Variants in MYO3A observed in about 807,000 individuals in gnomAD.
The protein encoded by MYO3A is myosin-IIIa.
In MYO3A, 180 loss-of-function variants were observed where a neutral mutation model predicts 192.7. The ratio of observed to expected loss-of-function variants is 0.93; its 90% CI spans 0.83 to 1.06. MYO3A has a LOEUF of 1.06. Ranked by LOEUF, MYO3A falls within the 50% of genes least tolerant of loss-of-function variation. The pLI is 0.00. For missense variants in MYO3A, 1,896 were observed against 1,905.0 expected (o/e 1.00, Z 0.09); for synonymous variants, 628 against 645.3 (o/e 0.97, Z 0.41).
chr10:26,107,983 ATT>A lies in MYO3A; in HGVS notation c.1776+11303_1776+11304del, dbSNP rs1157434954. Among the ~76,000 whole-genome samples, 20 of 150,460 alleles carry A rather than the reference ATT, an allele frequency of 1.3e-4. No homozygotes were observed. The East Asian group carries it at 3.9e-3, about 29-fold the overall frequency. On this transcript the variant is annotated intron_variant, in intron 17 of 34. Coordinates refer to ENST00000642920, the MANE Select transcript of MYO3A (RefSeq NM_017433.5). ...ATACTTGGTTTCTCTATTTCTTTAC[ATT>A]TGTTATTGAATAATGAAAGCATTTA...
chr10:26,038,058 A>T (rs888840709), intron 10 of MYO3A, among the ~76,000 whole-genome samples: 2 of 152,190 alleles, frequency 1.3e-5, no homozygotes, highest in African/African-American at 4.8e-5. Flanking sequence ...CCATTGGTCC[A>T]TGTGTCTGTT....
intron 4 of MYO3A, among the ~76,000 whole-genome samples, chr10:25,979,603 A>G (rs1248672286): frequency 6.6e-6 from 1 of 151,902 alleles, no homozygotes; most frequent in East Asian, 1.9e-4. Flanking sequence ...AAAACCTTTT[A>G]TTTTTTCCAT....
Position 26,090,233 on chromosome 10 carries a change from T to TGTATTCTATGGA in MYO3A, c.1562+1831_1562+1842dup, listed in dbSNP as rs1169639590. ...CAATGTCAAGGGATATAATTCACGG[T>TGTATTCTATGGA]GTATTCTATGGAGTTGAGTGCAGGA... On this transcript the variant is annotated intron_variant, in intron 15 of 34. Transcript: ENST00000642920. Among the ~76,000 whole-genome samples, 7 of 152,334 alleles carry TGTATTCTATGGA rather than the reference T, an allele frequency of 4.6e-5. 1 individual carries two copies. In the Middle Eastern group the frequency reaches 0.01, roughly 222 times the overall value.
At chr10:25,991,779 C>T (rs1840047943) in intron 4 of MYO3A, among the ~76,000 whole-genome samples, 2 of 151,948 alleles carry the variant, frequency 1.3e-5, no homozygotes, top group African/African-American at 4.8e-5. Flanking sequence ...GAATCCTTTC[C>T]CCATTGCTTG....
chr10:25,993,810 T>C (rs1840226338), intron 4 of MYO3A, among the ~76,000 whole-genome samples: 1 of 152,154 alleles, frequency 6.6e-6, no homozygotes, highest in African/African-American at 2.4e-5. Context: ...AGTTTCCATG[T>C]AGTTGAGCAG....
At chr10:26,171,145 G>A (rs1842027314) in intron 29 of MYO3A, among the ~76,000 whole-genome samples, 1 of 152,120 alleles carries the variant, frequency 6.6e-6, no homozygotes, top group African/African-American at 2.4e-5. Flanking sequence ...AGGGTACACT[G>A]GGGGCAAGGA....
At chr10:26,202,621 C>T (rs181947096) in intron 33 of MYO3A, 82 of 287,614 alleles carry the variant, frequency 2.9e-4, no homozygotes, top group African/African-American at 1.6e-3. Flanking sequence ...CTGATAATGG[C>T]CTAAAGGTCA....
At chr10:26,072,073 T>G in intron 14 of MYO3A, among the ~76,000 whole-genome samples, 1 of 151,020 alleles carries the variant, frequency 6.6e-6, no homozygotes, top group Non-Finnish European at 1.5e-5. Context: ...GAGAGAACAG[T>G]GAGAGAAGGA....
chr10:26,176,996 G>T (rs547174775), intron 31 of MYO3A, 151 bp downstream of exon 31: 10 of 876,572 alleles, frequency 1.1e-5, no homozygotes, highest in Non-Finnish European at 1.8e-5. Context: ...TGGAGATACA[G>T]TTTTTTTAGG....
At chr10:25,993,712 G>C (rs1423379416) in intron 4 of MYO3A, among the ~76,000 whole-genome samples, 2 of 152,132 alleles carry the variant, frequency 1.3e-5, no homozygotes, top group Non-Finnish European at 2.9e-5. Flanking sequence ...GGTATGTTGT[G>C]TCTTCATTCT....
chr10:25,992,957 G>A (rs1054716882), intron 4 of MYO3A, among the ~76,000 whole-genome samples: 20 of 152,064 alleles, frequency 1.3e-4, no homozygotes, highest in African/African-American at 4.1e-4. Flanking sequence ...AGGGATATTG[G>A]TCTAAAATTC....
intron 26 of MYO3A, among the ~76,000 whole-genome samples, chr10:26,163,763 G>A (rs1161045555): frequency 2.0e-5 from 3 of 152,158 alleles, no homozygotes; most frequent in Non-Finnish European, 4.4e-5. Context: ...TAGGGTTGAT[G>A]GTGTAAATTT....
intron 31 of MYO3A, among the ~76,000 whole-genome samples, chr10:26,181,801 G>T (rs139093341): frequency 9.9e-4 from 145 of 147,082 alleles, no homozygotes; most frequent in African/African-American, 3.3e-3. Flanking sequence ...CACTGAATTA[G>T]TTTATATCAT....
At chr10:26,047,089 G>T (rs779855793) in intron 10 of MYO3A, among the ~76,000 whole-genome samples, 12 of 151,924 alleles carry the variant, frequency 7.9e-5, no homozygotes, top group Non-Finnish European at 1.6e-4. Flanking sequence ...GGACTCAATT[G>T]TTTACTTGTT....
At chr10:26,067,880 A>G (rs1205844348) in intron 11 of MYO3A, among the ~76,000 whole-genome samples, 1 of 152,120 alleles carries the variant, frequency 6.6e-6, no homozygotes, top group Non-Finnish European at 1.5e-5. Flanking sequence ...CATTTGACTC[A>G]GAAATGTACC....
At chr10:25,971,725 C>T (rs769714914) in intron 4 of MYO3A, among the ~76,000 whole-genome samples, 6 of 152,132 alleles carry the variant, frequency 3.9e-5, no homozygotes, top group Admixed American at 3.3e-4. Flanking sequence ...TTGTTAGTTC[C>T]CTAATATGTG....
At chr10:26,024,379 A>G (rs1842447895) in intron 9 of MYO3A, among the ~76,000 whole-genome samples, 1 of 152,090 alleles carries the variant, frequency 6.6e-6, no homozygotes, top group African/African-American at 2.4e-5. Flanking sequence ...TTCATATGAG[A>G]TGGGTCTCTT....
chr10:26,188,447 A>G (rs909367523), intron 31 of MYO3A, among the ~76,000 whole-genome samples: 115 of 152,182 alleles, frequency 7.6e-4, no homozygotes, highest in African/African-American at 2.5e-3. Flanking sequence ...TAGGTTGCCT[A>G]TTCACTCTGA....
rs186933470 is a variant in MYO3A at position 26,123,328 on chromosome 10, T to G, written c.1904-2070T>G. On this transcript the variant is annotated intron_variant, in intron 18 of 34. Transcript: ENST00000642920. ...TTTGCAACATATATATCAAAGCATT[T>G]CTTTAAGCTATGAAGAGGCTCATAT... Among the ~76,000 whole-genome samples, 16 of 152,338 alleles carry G rather than the reference T, an allele frequency of 1.1e-4. 1 individual carries two copies. In the East Asian group the frequency reaches 1.5e-3, roughly 15 times the overall value.
Sources: allele counts gnomAD v4.1 joint callset (sites outside exome capture counted in the v4.1 genomes callset), GRCh38; gene constraint gnomAD v4.1.1; transcripts MANE v1.5; gene names NCBI Gene and HGNC (gene_info 2026-07-23, HGNC 2026-07-21).